Variants in PREX1 observed in about 807,000 individuals in gnomAD.
PREX1 encodes phosphatidylinositol-3,4,5-trisphosphate dependent Rac exchange factor 1, also known as phosphatidylinositol 3,4,5-trisphosphate-dependent Rac exchanger 1 protein.
Under a neutral mutation model 198.3 loss-of-function variants are expected in PREX1, and 41 were observed. That is an observed-to-expected ratio of 0.21 (90% CI 0.16 to 0.27). The LOEUF is 0.27. PREX1 is among the 10% of genes least tolerant of loss of function. The pLI, the probability that PREX1 is intolerant of heterozygous loss-of-function variation, is 1.00. For missense variants in PREX1, 1,620 were observed against 2,200.7 expected (o/e 0.74, Z 5.28); for synonymous variants, 843 against 887.2 (o/e 0.95, Z 0.89).
intron 1 of PREX1, among the ~76,000 whole-genome samples, chr20:48,758,052 A>G (rs2090162599): frequency 6.6e-6 from 1 of 152,148 alleles, no homozygotes; most frequent in South Asian, 2.1e-4. Context: ...TGAGGCAAGA[A>G]GTGGAGTACA....
At chr20:48,741,701 G>A (rs1396571408) in intron 3 of PREX1, among the ~76,000 whole-genome samples, 1 of 152,168 alleles carries the variant, frequency 6.6e-6, no homozygotes, top group Non-Finnish European at 1.5e-5. Flanking sequence ...GGGGAGGGGC[G>A]CGGAAGGGCA....
At chr20:48,703,711 G>A (rs920456379) in intron 6 of PREX1, among the ~76,000 whole-genome samples, 7 of 152,276 alleles carry the variant, frequency 4.6e-5, no homozygotes, top group East Asian at 1.9e-4. Context: ...AGTCCGTCTC[G>A]GGGGACCTAG....
chr20:48,773,445 C>T (rs1025476853), intron 1 of PREX1, among the ~76,000 whole-genome samples: 2 of 152,228 alleles, frequency 1.3e-5, no homozygotes, highest in African/African-American at 4.8e-5. Flanking sequence ...ACCAGCAATG[C>T]ACCAACCACA....
intron 13 of PREX1, among the ~76,000 whole-genome samples, chr20:48,678,131 T>A (rs765212322): frequency 6.6e-6 from 1 of 152,168 alleles, no homozygotes; most frequent in Non-Finnish European, 1.5e-5. Flanking sequence ...CTGGCCAACA[T>A]GGTGAAACCC....
At chr20:48,692,560 G>A in intron 8 of PREX1, 112 bp downstream of exon 8, 3 of 846,758 alleles carry the variant, frequency 3.5e-6, no homozygotes, top group South Asian at 1.7e-5. Context: ...TTTTCTGTAG[G>A]TAGATTACAT....
chr20:48,833,063 T>A, the PREX1 span, among the ~76,000 whole-genome samples: 1 of 152,244 alleles, frequency 6.6e-6, no homozygotes, highest in South Asian at 2.1e-4. Context: ...TGACTTAACC[T>A]CTCTGGGCTT....
intron 10 of PREX1, among the ~76,000 whole-genome samples, chr20:48,687,673 G>A (rs1469395187): frequency 2.6e-5 from 4 of 152,228 alleles, no homozygotes; most frequent in Non-Finnish European, 4.4e-5. Flanking sequence ...AGCTTCATGA[G>A]GTTGCAAGCC....
chr20:48,873,364 G>A, the PREX1 span, among the ~76,000 whole-genome samples: 1 of 152,010 alleles, frequency 6.6e-6, no homozygotes, highest in African/African-American at 2.4e-5. Context: ...TTTGCTCTAC[G>A]GCAGTCTAAT....
At chr20:48,736,135 T>C (rs970902131) in intron 3 of PREX1, among the ~76,000 whole-genome samples, 1 of 152,142 alleles carries the variant, frequency 6.6e-6, no homozygotes, top group African/African-American at 2.4e-5. Flanking sequence ...AGTAGAACGG[T>C]GTCTGGCACA....
intron 2 of PREX1, among the ~76,000 whole-genome samples, chr20:48,747,478 G>C (rs1236811209): frequency 6.6e-6 from 1 of 152,364 alleles, no homozygotes; most frequent in Admixed American, 6.5e-5. Flanking sequence ...ACTTGGGAGA[G>C]GATTTTCCAC....
intron 1 of PREX1, among the ~76,000 whole-genome samples, chr20:48,824,089 C>T (rs922859323): frequency 1.3e-5 from 2 of 152,178 alleles, no homozygotes; most frequent in African/African-American, 4.8e-5. Flanking sequence ...GGGGAGTACC[C>T]CACATAGCCA....
intron 3 of PREX1, among the ~76,000 whole-genome samples, chr20:48,742,488 C>T (rs1170780350): frequency 6.6e-6 from 1 of 152,086 alleles, no homozygotes; most frequent in Non-Finnish European, 1.5e-5. Context: ...GATGCAAAGT[C>T]GAGCAGCTGG....
At chr20:48,711,718 T>C (rs2089932072) in intron 5 of PREX1, among the ~76,000 whole-genome samples, 1 of 152,192 alleles carries the variant, frequency 6.6e-6, no homozygotes, top group Admixed American at 6.5e-5. Context: ...GATCCTTTAA[T>C]GGAAAAGTTT....
intron 5 of PREX1, among the ~76,000 whole-genome samples, chr20:48,716,651 G>A (rs2089963804): frequency 6.6e-6 from 1 of 152,206 alleles, no homozygotes; most frequent in African/African-American, 2.4e-5. Context: ...GAGTCCAGGA[G>A]AGGTCACCCC....
At chr20:48,695,411 T>A (rs907565153) in intron 7 of PREX1, among the ~76,000 whole-genome samples, 1 of 152,218 alleles carries the variant, frequency 6.6e-6, no homozygotes, top group Non-Finnish European at 1.5e-5. Context: ...AGAACATGTG[T>A]GTGCATTTCT....
chr20:48,860,583 G>A, the PREX1 span, among the ~76,000 whole-genome samples: 22 of 152,334 alleles, frequency 1.4e-4, no homozygotes, highest in Non-Finnish European at 2.9e-4. Context: ...TGCCACGTCT[G>A]TAATTCCAGC....
chr20:48,627,724 A>T (rs2089284098), intron 38 of PREX1, 109 bp from the exon 39 acceptor site: 1 of 1,420,794 alleles, frequency 7.0e-7, no homozygotes, highest in Non-Finnish European at 9.8e-7. Context: ...AGAAGCTAAG[A>T]TCCTTGCTCC....
At chr20:48,713,231 C>T (rs2089942982) in intron 5 of PREX1, among the ~76,000 whole-genome samples, 1 of 152,168 alleles carries the variant, frequency 6.6e-6, no homozygotes, top group Non-Finnish European at 1.5e-5. Context: ...GCGGGCGGAT[C>T]ACCTGAGGTA....
chr20:48,700,098 A>G (rs1194549326), intron 7 of PREX1, among the ~76,000 whole-genome samples: 2 of 152,228 alleles, frequency 1.3e-5, no homozygotes, highest in Non-Finnish European at 2.9e-5. Context: ...CCAACCATCT[A>G]CTTACTCCTA....
Sources: gnomAD v4.1 joint callset for allele counts (sites outside exome capture counted in the v4.1 genomes callset) on GRCh38, gnomAD v4.1.1 for gene constraint, MANE v1.5 for transcripts, NCBI Gene and HGNC (gene_info 2026-07-23, HGNC 2026-07-21) for gene names.